LRRTM4: variants seen among roughly 807,000 people sequenced by gnomAD.
The protein encoded by LRRTM4 is leucine rich repeat transmembrane neuronal 4, also known as leucine-rich repeat transmembrane neuronal protein 4.
LRRTM4 carries 25 observed loss-of-function variants against 47.6 expected under a neutral mutation model. That is an observed-to-expected ratio of 0.53 (90% CI 0.38 to 0.73). LRRTM4 has a LOEUF of 0.73. LRRTM4 is among the 30% of genes least tolerant of loss of function. The probability of loss-of-function intolerance (pLI) is 0.00; values close to 1 mark genes in which losing one functional copy is unlikely to be tolerated. For missense variants in LRRTM4, 638 were observed against 713.4 expected, an observed-to-expected ratio of 0.89 and a Z score of 1.20; for synonymous variants, 311 against 269.5, an observed-to-expected ratio of 1.15 and a Z score of -1.51.
intron 3 of LRRTM4, among the ~76,000 whole-genome samples, chr2:76,873,522 A>ATATGTG (rs1672696603): frequency 6.9e-6 from 1 of 145,162 alleles, no homozygotes; most frequent in African/African-American, 2.6e-5. Flanking sequence ...ATATATATAT[A>ATATGTG]TATATATATA....
intron 3 of LRRTM4, among the ~76,000 whole-genome samples, chr2:77,257,502 C>CT (rs1675802970): frequency 6.6e-6 from 1 of 151,850 alleles, no homozygotes; most frequent in Admixed American, 6.6e-5. Context: ...AGGCAGAGCA[C>CT]TTTTTTGCTG....
chr2:77,222,727 C>T (rs1001788556), intron 3 of LRRTM4, among the ~76,000 whole-genome samples: 9 of 151,998 alleles, frequency 5.9e-5, no homozygotes, highest in Non-Finnish European at 1.0e-4. Flanking sequence ...AGCTTACCAA[C>T]CAAAAAAATT....
chr2:77,178,953 T>C (rs1351356888), intron 3 of LRRTM4, among the ~76,000 whole-genome samples: 1 of 152,218 alleles, frequency 6.6e-6, no homozygotes, highest in Non-Finnish European at 1.5e-5. Flanking sequence ...TATTAATAAA[T>C]GAATGTAGAT....
chr2:77,032,004 TA>T (rs1301519409), intron 3 of LRRTM4, among the ~76,000 whole-genome samples: 1 of 152,094 alleles, frequency 6.6e-6, no homozygotes, highest in African/African-American at 2.4e-5. Context: ...AAACACTTTT[TA>T]AAGATATTAA....
chr2:77,274,082 T>C (rs900859055), intron 3 of LRRTM4, among the ~76,000 whole-genome samples: 1 of 152,088 alleles, frequency 6.6e-6, no homozygotes, highest in Non-Finnish European at 1.5e-5. Flanking sequence ...CCACATTTTA[T>C]ATTTCCAAAG....
chr2:77,423,654 T>G (rs1033436939), intron 3 of LRRTM4, among the ~76,000 whole-genome samples: 1 of 152,174 alleles, frequency 6.6e-6, no homozygotes, highest in Non-Finnish European at 1.5e-5. Flanking sequence ...GGGCAAAACT[T>G]TCTTTCAAAG....
intron 3 of LRRTM4, among the ~76,000 whole-genome samples, chr2:76,888,350 G>C (rs1032474264): frequency 1.3e-5 from 2 of 151,200 alleles, no homozygotes; most frequent in East Asian, 3.9e-4. Context: ...TGGAACAATT[G>C]TACGTATATA....
intron 3 of LRRTM4, among the ~76,000 whole-genome samples, chr2:77,398,881 G>T (rs1673819984): frequency 6.6e-6 from 1 of 151,780 alleles, no homozygotes. Context: ...TTTGATTCAT[G>T]GCCCATCCCA....
chr2:77,380,456 C>A (rs2103790223), intron 3 of LRRTM4, among the ~76,000 whole-genome samples: 1 of 152,112 alleles, frequency 6.6e-6, no homozygotes, highest in South Asian at 2.1e-4. Context: ...ATATTAAACA[C>A]AAGTTTAGTA....
intron 3 of LRRTM4, among the ~76,000 whole-genome samples, chr2:77,165,403 C>A (rs1672852457): frequency 6.6e-6 from 1 of 152,106 alleles, no homozygotes; most frequent in African/African-American, 2.4e-5. Flanking sequence ...GCTGGTGCCA[C>A]TCCTTCTGAA....
In LRRTM4 at chr2:77,351,183, A is replaced by G. The variant is rs555013990; in HGVS notation, c.1551+167135T>C. On this transcript the variant is annotated intron_variant, in intron 3 of 3. Transcript: ENST00000409884. ...GAAAACATATAGTATTTGGTTTTCC[A>G]TTTCTGCATTTGTTTGCTAAGAATA... Among the ~76,000 whole-genome samples, 59 of 152,016 alleles carry G rather than the reference A, an allele frequency of 3.9e-4. 1 individual carries two copies. The South Asian group carries it at 0.011, about 29-fold the overall frequency.
At chr2:77,043,448 T>G (rs1250912987) in intron 3 of LRRTM4, among the ~76,000 whole-genome samples, 1 of 151,760 alleles carries the variant, frequency 6.6e-6, no homozygotes, top group Non-Finnish European at 1.5e-5. Flanking sequence ...CTGAGAAATT[T>G]CTGGTTCCCT....
chr2:77,267,968 T>G (rs1235623987), intron 3 of LRRTM4, among the ~76,000 whole-genome samples: 1 of 152,166 alleles, frequency 6.6e-6, no homozygotes, highest in African/African-American at 2.4e-5. Context: ...TATACATCTC[T>G]GGCTATTGAC....
chr2:77,204,603 T>C (rs1402505445), intron 3 of LRRTM4, among the ~76,000 whole-genome samples: 1 of 152,180 alleles, frequency 6.6e-6, no homozygotes, highest in African/African-American at 2.4e-5. Flanking sequence ...TTCCCTATCA[T>C]GCTATCTTGA....
At chr2:77,429,063 A>C (rs1573401674) in intron 3 of LRRTM4, among the ~76,000 whole-genome samples, 1 of 152,314 alleles carries the variant, frequency 6.6e-6, no homozygotes, top group East Asian at 1.9e-4. Flanking sequence ...ATAACCTAAA[A>C]GTGGGAGTAC....
chr2:77,085,869 T>C (rs1019033794), intron 3 of LRRTM4, among the ~76,000 whole-genome samples: 2 of 152,182 alleles, frequency 1.3e-5, no homozygotes, highest in Non-Finnish European at 2.9e-5. Context: ...CTAAATCTTT[T>C]AAAGATTTCC....
intron 3 of LRRTM4, among the ~76,000 whole-genome samples, chr2:76,931,241 T>C (rs1043907639): frequency 1.3e-5 from 2 of 152,170 alleles, no homozygotes; most frequent in Admixed American, 1.3e-4. Context: ...AGAAAGTCAT[T>C]AAACAGAAGT....
intron 3 of LRRTM4, among the ~76,000 whole-genome samples, chr2:77,192,986 G>A (rs893182702): frequency 1.3e-5 from 2 of 151,970 alleles, no homozygotes; most frequent in African/African-American, 2.4e-5. Context: ...GCATAAGGAC[G>A]TTTCTGTCAA....
intron 3 of LRRTM4, among the ~76,000 whole-genome samples, chr2:77,042,017 T>C (rs1049367783): frequency 1.3e-5 from 2 of 151,234 alleles, no homozygotes; most frequent in South Asian, 2.1e-4. Flanking sequence ...CAAATAAACA[T>C]AACAACCGAA....
Sources: gnomAD v4.1 joint callset for allele counts (sites outside exome capture counted in the v4.1 genomes callset) on GRCh38, gnomAD v4.1.1 for gene constraint, MANE v1.5 for transcripts, NCBI Gene and HGNC (gene_info 2026-07-23, HGNC 2026-07-21) for gene names.